WSB1: variants seen among roughly 807,000 people sequenced by gnomAD.
The protein encoded by WSB1 is WD repeat and SOCS box-containing protein 1.
In WSB1, 23 loss-of-function variants were observed where a neutral mutation model predicts 50.2. The ratio of observed to expected loss-of-function variants is 0.46; its 90% CI spans 0.33 to 0.65. The LOEUF (loss-of-function observed/expected upper bound fraction) is 0.65. WSB1 is among the 30% of genes least tolerant of loss of function. The pLI, the probability that WSB1 is intolerant of heterozygous loss-of-function variation, is 0.02. For synonymous variants in WSB1, 179 were observed against 172.0 expected, an observed-to-expected ratio of 1.04 and a Z score of -0.32; for missense variants, 492 against 522.3, an observed-to-expected ratio of 0.94 and a Z score of 0.56.
chr17:27,308,230 T>G (rs1335424803), intron 5 of WSB1: 2 of 985,882 alleles, frequency 2.0e-6, no homozygotes, highest in Non-Finnish European at 2.4e-6. Flanking sequence ...CCAAAAAGGA[T>G]TGCTTTACTC....
intron 3 of WSB1, 179 bp downstream of exon 3, chr17:27,303,814 A>G: frequency 2.8e-6 from 2 of 723,458 alleles, no homozygotes; most frequent in Non-Finnish European, 4.4e-6. Context: ...TTAATTTAGG[A>G]AAACTATGGA....
At position 27,303,727 on chromosome 17, in the gene WSB1, T is replaced by G. The variant is rs2017331307; in HGVS notation, c.478+92T>G. ...GGAATTGGGATTTGAGGATTTCAGC[T>G]TACTGAAAAGCAAGAATTGATGGCA... On this transcript the variant is annotated intron_variant, in intron 3 of 8. Coordinates refer to ENST00000262394, the MANE Select transcript of WSB1 (RefSeq NM_015626.10). 2.0e-5 allele frequency: 30 copies of G among 1,478,220 alleles called. 1 individual carries two copies. The South Asian group carries it at 4.0e-4, about 20-fold the overall frequency. 91.6% of individuals were successfully genotyped at this position (1,478,220 alleles called of 1,614,324 possible).
chr17:27,309,339 C>A (rs2017579224), intron 6 of WSB1, 67 bp downstream of exon 6: 2 of 1,269,544 alleles, frequency 1.6e-6, no homozygotes, highest in Middle Eastern at 2.0e-4. Context: ...TGAATAATTA[C>A]AATCACCAAT....
In WSB1 at chr17:27,303,530, C is replaced by G. The variant is rs202021439; in HGVS notation, c.373C>G (p.Arg125Gly). 3.7e-6 allele frequency: 6 copies of G among 1,613,986 alleles called. No homozygotes were observed. The highest frequency in any genetic ancestry group is 1.3e-5 in the African/African-American group (1 of 74,892). The change falls in exon 3 of 9, where the codon CGC (arginine) becomes GGC (glycine). Residue 125 changes from arginine to glycine, a missense_variant. Coordinates refer to ENST00000262394, the MANE Select transcript of WSB1 (RefSeq NM_015626.10). The part of the protein sequence containing the change: ...FGSSVPEKQS[R>G]CVNIEWHRFR... ...GTCATCAGTTCCAGAAAAACAGAGT[C>G]GCTGTGTAAATATAGAATGGCATCG...
At position 27,294,340 on chromosome 17, in the gene WSB1, C is replaced by G. The variant is rs1450536978; in HGVS notation, c.-56C>G. ...GTCACGCCCCTCAGCGGTCGCCACT[C>G]TCTTCTCTGTTGTTGGGTCCGCATC... On this transcript the variant is annotated 5_prime_UTR_variant, in exon 1 of 9. Transcript: ENST00000262394. 2.5e-6 allele frequency: 4 copies of G among 1,601,002 alleles called. No individual in the cohort carries two copies. The highest frequency in any genetic ancestry group is 3.4e-6 in the Non-Finnish European group (4 of 1,170,928).
chr17:27,298,293 A>G (rs2017074580), intron 1 of WSB1, among the ~76,000 whole-genome samples: 1 of 152,142 alleles, frequency 6.6e-6, no homozygotes, highest in Non-Finnish European at 1.5e-5. Context: ...AGAGACTTTT[A>G]AGTTGAATTT....
intron 5 of WSB1, 173 bp downstream of exon 5, chr17:27,307,055 A>C: frequency 1.6e-6 from 1 of 631,494 alleles, no homozygotes; most frequent in Non-Finnish European, 2.7e-6. Flanking sequence ...ATAGTTATTG[A>C]TTGCCAAGTG....
chr17:27,308,076 A>AT (rs1343414453), intron 5 of WSB1: 12 of 1,147,382 alleles, frequency 1.0e-5, no homozygotes, highest in Admixed American at 9.4e-5. Context: ...AATGTAAAGT[A>AT]TTTGGCTTTC....
intron 2 of WSB1, chr17:27,303,015 A>G (rs760137639): frequency 1.0e-4 from 19 of 189,648 alleles, no homozygotes; most frequent in Non-Finnish European, 1.6e-4. Context: ...ATCTTAAGTT[A>G]CTGGGTTTTT....
intron 2 of WSB1, chr17:27,303,165 C>T (rs2017305025): frequency 1.8e-6 from 1 of 546,758 alleles, no homozygotes; most frequent in Non-Finnish European, 3.0e-6. Context: ...ACTTACTACT[C>T]AGTCACTGAG....
At chr17:27,296,082 C>T (rs949213003) in intron 1 of WSB1, among the ~76,000 whole-genome samples, 3 of 152,166 alleles carry the variant, frequency 2.0e-5, no homozygotes, top group African/African-American at 7.2e-5. Flanking sequence ...GATCGCCCAC[C>T]TCTGCCTCCC....
At chr17:27,307,687 G>A in intron 5 of WSB1, 1 of 1,504,084 alleles carries the variant, frequency 6.6e-7, no homozygotes, top group South Asian at 1.2e-5. Context: ...ATTAGATGTT[G>A]ACATTGCTAT....
At chr17:27,310,842 G>A (rs1815577926) in intron 7 of WSB1, among the ~76,000 whole-genome samples, 1 of 151,976 alleles carries the variant, frequency 6.6e-6, no homozygotes, top group African/African-American at 2.4e-5. Context: ...TTCCTTTCCT[G>A]GTTTTTTTTG....
rs202021439 is a variant in WSB1 at position 27,303,530 on chromosome 17, C to T, written c.373C>T (p.Arg125Cys). The change falls in exon 3 of 9, where the codon CGC becomes TGC. Residue 125 changes from arginine (R) to cysteine (C), a missense_variant. By Grantham distance (180) the Arg-to-Cys change is radical. Transcript: ENST00000262394. ...FGSSVPEKQSRCVNIEWHRFR... is the reference protein window; with the variant it reads ...FGSSVPEKQSCCVNIEWHRFR... ...GTCATCAGTTCCAGAAAAACAGAGT[C>T]GCTGTGTAAATATAGAATGGCATCG... 1.9e-5 allele frequency: 31 copies of T among 1,614,104 alleles called. No homozygotes were observed. Among genetic ancestry groups the T allele is most frequent in the Non-Finnish European group, 2.4e-5 (28 of 1,180,026 alleles).
chr17:27,301,858 T>C lies in WSB1; in HGVS notation c.111T>C (p.Asn37=), dbSNP rs777269514. 7 of 1,614,026 alleles carry C rather than the reference T, an allele frequency of 4.3e-6. No homozygotes were observed. Among genetic ancestry groups the C allele is most frequent in the Non-Finnish European group, 5.9e-6 (7 of 1,180,032 alleles). The change falls in exon 2 of 9, where the codon AAT becomes AAC. Residue 37 remains asparagine, a synonymous_variant. Transcript: ENST00000262394. ...APFDKKCGRE[N]WTVAFAPDGS... ...TTGACAAGAAATGTGGTCGTGAAAA[T>C]TGGACTGTTGCTTTTGCTCCAGATG...
chr17:27,298,126 G>GAA (rs35222722), intron 1 of WSB1, among the ~76,000 whole-genome samples: 1,665 of 73,996 alleles, frequency 0.023, 57 homozygotes, highest in African/African-American at 0.057. Flanking sequence ...CTCCGTCTCA[G>GAA]AAAAAAAAAA....
At chr17:27,294,534 A>G in intron 1 of WSB1, 99 bp downstream of exon 1, 1 of 1,527,888 alleles carries the variant, frequency 6.5e-7, no homozygotes. Flanking sequence ...CTGAGGGAAG[A>G]GCTCCAGTGC....
At chr17:27,300,723 T>C (rs182767922) in intron 1 of WSB1, among the ~76,000 whole-genome samples, 7 of 151,284 alleles carry the variant, frequency 4.6e-5, no homozygotes, top group African/African-American at 1.7e-4. Flanking sequence ...ACAGTCTTGC[T>C]CTGTCACCCA....
At chr17:27,309,915 T>G in intron 6 of WSB1, 146 bp from the exon 7 acceptor site, 1 of 621,982 alleles carries the variant, frequency 1.6e-6, no homozygotes, top group Non-Finnish European at 2.8e-6. Flanking sequence ...GACTTTAATT[T>G]GGATGTATCA....
Sources: gnomAD v4.1 joint callset for allele counts (sites outside exome capture counted in the v4.1 genomes callset) on GRCh38, gnomAD v4.1.1 for gene constraint, MANE v1.5 for transcripts, NCBI Gene and HGNC (gene_info 2026-07-23, HGNC 2026-07-21) for gene names.